The following OLFM2 variants were observed in gnomAD, a reference collection of about 807,000 sequenced individuals.
The protein encoded by OLFM2 is noelin-2.
OLFM2 carries 20 observed loss-of-function variants against 43.9 expected under a neutral mutation model. The observed-to-expected ratio is 0.46, with a 90% CI of 0.32 to 0.66. The LOEUF (loss-of-function observed/expected upper bound fraction) is 0.66. Ranked by LOEUF, OLFM2 falls within the 30% of genes least tolerant of loss-of-function variation. The pLI is 0.04. For missense variants in OLFM2, 416 were observed against 643.6 expected (o/e 0.65, Z 3.83); for synonymous variants, 268 against 278.6 (o/e 0.96, Z 0.38).
intron 1 of OLFM2, among the ~76,000 whole-genome samples, chr19:9,926,847 T>C (rs2086456449): frequency 6.6e-6 from 1 of 152,020 alleles, no homozygotes; most frequent in Non-Finnish European, 1.5e-5. Flanking sequence ...TATGTGGGCA[T>C]GGTGGCACAC....
At chr19:9,903,734 T>C (rs1245797392) in intron 1 of OLFM2, among the ~76,000 whole-genome samples, 4 of 152,202 alleles carry the variant, frequency 2.6e-5, no homozygotes, top group Non-Finnish European at 4.4e-5. Flanking sequence ...ACTCCTGGAA[T>C]AGCCAGAGAA....
At chr19:9,860,612 C>T in intron 2 of OLFM2, 33 bp downstream of exon 2, 2 of 1,557,852 alleles carry the variant, frequency 1.3e-6, no homozygotes, top group South Asian at 1.2e-5. Flanking sequence ...GAGATTTTCC[C>T]AGCTGCCCCC....
intron 1 of OLFM2, among the ~76,000 whole-genome samples, chr19:9,876,236 C>T (rs972919650): frequency 3.3e-5 from 5 of 152,088 alleles, no homozygotes; most frequent in Non-Finnish European, 5.9e-5. Flanking sequence ...GCGCTTTGGC[C>T]GGGGATGGAT....
intron 1 of OLFM2, among the ~76,000 whole-genome samples, chr19:9,887,587 G>A (rs1473426404): frequency 2.0e-5 from 3 of 152,030 alleles, no homozygotes; most frequent in Non-Finnish European, 4.4e-5. Flanking sequence ...TTGCTCACCT[G>A]AACCAGCAGA....
At chr19:9,866,686 G>A (rs2046404590) in intron 1 of OLFM2, among the ~76,000 whole-genome samples, 1 of 151,762 alleles carries the variant, frequency 6.6e-6, no homozygotes, top group Admixed American at 6.6e-5. Flanking sequence ...TAGAGACGGG[G>A]ATCTCACTAC....
chr19:9,926,797 T>C (rs2086456229), intron 1 of OLFM2, among the ~76,000 whole-genome samples: 1 of 150,870 alleles, frequency 6.6e-6, no homozygotes, highest in South Asian at 2.1e-4. Flanking sequence ...CTGGACAATA[T>C]AGTGAGACCC....
chr19:9,862,857 C>T (rs934826937), intron 1 of OLFM2, among the ~76,000 whole-genome samples: 2 of 151,954 alleles, frequency 1.3e-5, no homozygotes, highest in African/African-American at 4.8e-5. Flanking sequence ...CGCCTATAAT[C>T]CCAGCTACTT....
At chr19:9,926,413 G>A (rs909986342) in intron 1 of OLFM2, among the ~76,000 whole-genome samples, 21 of 151,858 alleles carry the variant, frequency 1.4e-4, no homozygotes, top group Admixed American at 2.0e-4. Context: ...TTAGCCGGGC[G>A]TGGTGGCGGC....
At chr19:9,891,139 C>A (rs1055031531) in intron 1 of OLFM2, among the ~76,000 whole-genome samples, 1 of 150,040 alleles carries the variant, frequency 6.7e-6, no homozygotes, top group African/African-American at 2.5e-5. Context: ...CATGGTGAAA[C>A]CCAGTCTCTA....
chr19:9,894,128 A>G (rs975964685), intron 1 of OLFM2, among the ~76,000 whole-genome samples: 1 of 152,066 alleles, frequency 6.6e-6, no homozygotes, highest in Non-Finnish European at 1.5e-5. Context: ...CCCCATATCT[A>G]CTAAAAATAC....
chr19:9,913,803 G>C (rs1236318256), intron 1 of OLFM2: 3 of 440,964 alleles, frequency 6.8e-6, no homozygotes, highest in Middle Eastern at 1.0e-3. Context: ...GCTGCGGCTC[G>C]GCGCGCCTGG....
chr19:9,864,219 C>T (rs2145438235), intron 1 of OLFM2, among the ~76,000 whole-genome samples: 1 of 152,348 alleles, frequency 6.6e-6, no homozygotes, highest in African/African-American at 2.4e-5. Context: ...ATGAAATCTT[C>T]CAGGGCAACC....
At chr19:9,911,540 C>T (rs1022421703) in intron 1 of OLFM2, among the ~76,000 whole-genome samples, 1 of 152,102 alleles carries the variant, frequency 6.6e-6, no homozygotes, top group Admixed American at 6.6e-5. Context: ...TACCCACATG[C>T]ACACAAGGCA....
At chr19:9,913,308 C>T (rs1170710476) in intron 1 of OLFM2, among the ~76,000 whole-genome samples, 1 of 152,110 alleles carries the variant, frequency 6.6e-6, no homozygotes, top group Non-Finnish European at 1.5e-5. Flanking sequence ...TCTGCCTCCA[C>T]GTCCGACCCT....
chr19:9,876,599 G>T (rs1402706171), intron 1 of OLFM2, among the ~76,000 whole-genome samples: 1 of 152,170 alleles, frequency 6.6e-6, no homozygotes, highest in African/African-American at 2.4e-5. Context: ...ACATTCCAGG[G>T]TTTCAAAGAA....
chr19:9,888,401 G>A lies in OLFM2; in HGVS notation c.64-27607C>T, dbSNP rs150511283. On this transcript the variant is annotated intron_variant, in intron 1 of 5. Coordinates refer to ENST00000264833, the MANE Select transcript of OLFM2 (RefSeq NM_058164.4). ...TAGCCGGGTGTGGTGGTGCGTGCCTGTAATCCCAGCTACTCGGGAGGCTGA... is the reference window on the plus strand; with the variant it reads ...TAGCCGGGTGTGGTGGTGCGTGCCTATAATCCCAGCTACTCGGGAGGCTGA... Among the ~76,000 whole-genome samples, 380 of 150,436 alleles carry A rather than the reference G, an allele frequency of 2.5e-3. 2 individuals are homozygous for A. Among genetic ancestry groups the A allele is most frequent in the African/African-American group, 9.0e-3 (370 of 40,964 alleles).
intron 1 of OLFM2, among the ~76,000 whole-genome samples, chr19:9,925,480 A>G (rs946924885): frequency 3.3e-5 from 5 of 152,086 alleles, no homozygotes; most frequent in Non-Finnish European, 7.4e-5. Context: ...TTTTTGAGAC[A>G]GGATCTTACC....
chr19:9,918,736 C>T (rs2086400964), intron 1 of OLFM2, among the ~76,000 whole-genome samples: 1 of 152,148 alleles, frequency 6.6e-6, no homozygotes, highest in Non-Finnish European at 1.5e-5. Context: ...TCCTCAAAAA[C>T]ATTTTGCTAA....
intron 1 of OLFM2, among the ~76,000 whole-genome samples, chr19:9,920,940 C>T (rs918590200): frequency 2.0e-5 from 3 of 151,686 alleles, no homozygotes; most frequent in Admixed American, 2.0e-4. Context: ...CTTGAAATTT[C>T]TGGGTGGTAA....
Sources: gnomAD v4.1 joint callset for allele counts (sites outside exome capture counted in the v4.1 genomes callset) on GRCh38, gnomAD v4.1.1 for gene constraint, MANE v1.5 for transcripts, NCBI Gene and HGNC (gene_info 2026-07-23, HGNC 2026-07-21) for gene names.